ELSPBP1: variants seen among roughly 807,000 people sequenced by gnomAD.
ELSPBP1 encodes the protein epididymal sperm-binding protein 1.
In ELSPBP1, 38 loss-of-function variants were observed where a neutral mutation model predicts 33.3. The ratio of observed to expected loss-of-function variants is 1.14; its 90% CI spans 0.88 to 1.50. The LOEUF (loss-of-function observed/expected upper bound fraction) is 1.50, where lower values mean the gene tolerates loss of function less well. Ranked by LOEUF, ELSPBP1 falls within the 40% of genes most tolerant of loss-of-function variation. The pLI, the probability that ELSPBP1 is intolerant of heterozygous loss-of-function variation, is 0.00. For synonymous variants in ELSPBP1, 85 were observed against 94.1 expected (o/e 0.90, Z 0.56); for missense variants, 267 against 263.5 (o/e 1.01, Z -0.09).
chr19:48,012,628 A>G (rs1273806417), intron 2 of ELSPBP1, among the ~76,000 whole-genome samples: 1 of 151,990 alleles, frequency 6.6e-6, no homozygotes, highest in Non-Finnish European at 1.5e-5. Flanking sequence ...TTGTTTCTTG[A>G]GCAAATAATT....
chr19:48,022,130 C>G, intron 5 of ELSPBP1, 40 bp from the exon 6 acceptor site: 2 of 1,583,554 alleles, frequency 1.3e-6, no homozygotes, highest in Non-Finnish European at 1.7e-6. Context: ...AGTGTGAAGC[C>G]TGAGGAGTAA....
At position 48,015,880 on chromosome 19, in the gene ELSPBP1, C is replaced by T; in HGVS notation, c.209-13C>T. On this transcript the variant is annotated splice_polypyrimidine_tract_variant and intron_variant, in intron 3 of 6. Transcript: ENST00000339841. Reference sequence around the variant, plus strand: ...GAGGAAGTTAAGACACTCACGAACTCTGTTCCTAACAGATTACCCACGCTG... The same window carrying T: ...GAGGAAGTTAAGACACTCACGAACTTTGTTCCTAACAGATTACCCACGCTG... 6.3e-7 allele frequency: 1 copy of T among 1,594,752 alleles called. No homozygotes were observed. Among genetic ancestry groups the T allele is most frequent in the Non-Finnish European group, 8.6e-7 (1 of 1,164,508 alleles).
chr19:48,017,395 A>G (rs1367263941), intron 4 of ELSPBP1, among the ~76,000 whole-genome samples: 3 of 152,202 alleles, frequency 2.0e-5, no homozygotes, highest in African/African-American at 7.2e-5. Flanking sequence ...AAATCTCACT[A>G]TAGCTTTGTC....
chr19:48,008,369 A>ACCAC (rs1334161970), intron 1 of ELSPBP1, among the ~76,000 whole-genome samples: 14 of 152,120 alleles, frequency 9.2e-5, no homozygotes, highest in Non-Finnish European at 1.6e-4. Context: ...AATAGCTGGG[A>ACCAC]CCACAGGCAT....
intron 2 of ELSPBP1, 71 bp downstream of exon 2, chr19:48,008,808 C>T: frequency 1.4e-6 from 2 of 1,401,414 alleles, no homozygotes; most frequent in South Asian, 2.4e-5. Context: ...GCAAAGATTC[C>T]TGGAACTAAG....
At chr19:48,006,578 C>A (rs1967019544) in intron 1 of ELSPBP1, among the ~76,000 whole-genome samples, 1 of 126,928 alleles carries the variant, frequency 7.9e-6, no homozygotes, top group Non-Finnish European at 1.6e-5. Context: ...GGTGCCACTG[C>A]ACTCCAGTCT....
chr19:48,003,901 ATT>A (rs1966992042), intron 1 of ELSPBP1, among the ~76,000 whole-genome samples: 1 of 31,278 alleles, frequency 3.2e-5, no homozygotes. Flanking sequence ...ATTCTATTCT[ATT>A]CTATTCTATT....
chr19:48,023,387 AG>A (rs1222853437), intron 6 of ELSPBP1, among the ~76,000 whole-genome samples: 1 of 43,948 alleles, frequency 2.3e-5, no homozygotes, highest in Admixed American at 3.6e-4. Flanking sequence ...GAAAGGAGGG[AG>A]GAGGGAGGGA....
intron 4 of ELSPBP1, among the ~76,000 whole-genome samples, chr19:48,016,561 TTCCTTCC>T (rs751394191): frequency 0.076 from 7,793 of 102,750 alleles, 384 homozygotes; most frequent in African/African-American, 0.1. Flanking sequence ...CCTTCCTTCC[TTCCTTCC>T]TCCCTTCATC....
intron 1 of ELSPBP1, among the ~76,000 whole-genome samples, chr19:47,999,387 C>CTTTTTTTTTTTT (rs397937280): frequency 7.7e-6 from 1 of 129,976 alleles, no homozygotes; most frequent in Non-Finnish European, 1.6e-5. Context: ...AGCCTCATTT[C>CTTTTTTTTTTTT]TTTTTTTTTT....
At chr19:48,024,013 G>A (rs906305431) in intron 6 of ELSPBP1, among the ~76,000 whole-genome samples, 1 of 150,876 alleles carries the variant, frequency 6.6e-6, no homozygotes, top group South Asian at 2.1e-4. Flanking sequence ...TGGGATTACA[G>A]GGGTGTGCCA....
chr19:48,007,045 T>C (rs375361212), intron 1 of ELSPBP1, among the ~76,000 whole-genome samples: 12 of 152,262 alleles, frequency 7.9e-5, no homozygotes, highest in African/African-American at 2.9e-4. Context: ...CCTGGCGGTA[T>C]CTGGGTTTCT....
chr19:48,002,378 G>A (rs571654601), intron 1 of ELSPBP1, among the ~76,000 whole-genome samples: 22 of 152,160 alleles, frequency 1.4e-4, no homozygotes, highest in Non-Finnish European at 2.6e-4. Flanking sequence ...AACCAATTAA[G>A]GTGTAGGAAT....
chr19:48,014,381 CTATGACATGA>C, intron 3 of ELSPBP1, 73 bp downstream of exon 3: 1 of 1,518,360 alleles, frequency 6.6e-7, no homozygotes, highest in Admixed American at 1.9e-5. Flanking sequence ...GTGTGACTGT[CTATGACATGA>C]TCACATTTTT....
chr19:48,015,799 G>A, intron 3 of ELSPBP1, 94 bp from the exon 4 acceptor site: 1 of 1,221,894 alleles, frequency 8.2e-7, no homozygotes, highest in Non-Finnish European at 1.2e-6. Context: ...CCTTATGTCT[G>A]TCCTGTCCTA....
chr19:48,020,134 T>A (rs984309196), intron 5 of ELSPBP1, among the ~76,000 whole-genome samples: 3 of 151,940 alleles, frequency 2.0e-5, no homozygotes, highest in Non-Finnish European at 2.9e-5. Flanking sequence ...AAATACAGAG[T>A]AAACACACGC....
chr19:48,020,790 T>G (rs975288581), intron 5 of ELSPBP1, among the ~76,000 whole-genome samples: 1 of 152,110 alleles, frequency 6.6e-6, no homozygotes, highest in African/African-American at 2.4e-5. Context: ...TCTTGATAGC[T>G]TCTGAGGGAA....
intron 6 of ELSPBP1, among the ~76,000 whole-genome samples, chr19:48,024,636 C>G (rs1020037383): frequency 6.6e-6 from 1 of 152,118 alleles, no homozygotes; most frequent in Non-Finnish European, 1.5e-5. Context: ...AAAAAACACC[C>G]ACAGTGGCGT....
intron 5 of ELSPBP1, among the ~76,000 whole-genome samples, chr19:48,021,852 TCCTCCTGCCTCAA>T (rs1235444892): frequency 3.3e-5 from 5 of 151,986 alleles, no homozygotes; most frequent in Non-Finnish European, 7.4e-5. Flanking sequence ...GCTCCAGCAA[TCCTCCTGCCTCAA>T]CCTCCCGAGT....
Sources: allele counts gnomAD v4.1 joint callset (sites outside exome capture counted in the v4.1 genomes callset), GRCh38; gene constraint gnomAD v4.1.1; transcripts MANE v1.5; gene names NCBI Gene and HGNC (gene_info 2026-07-23, HGNC 2026-07-21).